SEPTIN2: variants seen among roughly 807,000 people sequenced by gnomAD.
SEPTIN2 encodes the protein septin-2.
Under a neutral mutation model 46.5 loss-of-function variants are expected in SEPTIN2, and 34 were observed. The ratio of observed to expected loss-of-function variants is 0.73; its 90% confidence interval spans 0.56 to 0.97. The LOEUF (loss-of-function observed/expected upper bound fraction) is 0.97. SEPTIN2 is among the 50% of genes least tolerant of loss of function. The pLI, the probability that SEPTIN2 is intolerant of heterozygous loss-of-function variation, is 0.00. For missense variants in SEPTIN2, 347 were observed against 448.4 expected (o/e 0.77, Z 2.04); for synonymous variants, 175 against 153.4 (o/e 1.14, Z -1.04).
At chr2:241,328,690 C>T (rs999144852) in intron 3 of SEPTIN2, among the ~76,000 whole-genome samples, 3 of 151,972 alleles carry the variant, frequency 2.0e-5, no homozygotes, top group South Asian at 2.1e-4. Context: ...TGCAGTGAGC[C>T]GAGATCCCAT....
chr2:241,336,632 G>A (rs1489282886), intron 5 of SEPTIN2, among the ~76,000 whole-genome samples: 1 of 152,196 alleles, frequency 6.6e-6, no homozygotes, highest in Non-Finnish European at 1.5e-5. Flanking sequence ...GGAAGGTTCT[G>A]TTATCTTTCT....
At chr2:241,339,058 T>TTA (rs1345390377) in intron 7 of SEPTIN2, among the ~76,000 whole-genome samples, 12 of 132,314 alleles carry the variant, frequency 9.1e-5, no homozygotes, top group East Asian at 6.0e-4. Flanking sequence ...TTTTTATATA[T>TTA]TATATATATA....
intron 3 of SEPTIN2, among the ~76,000 whole-genome samples, chr2:241,330,299 A>G (rs2078785529): frequency 6.6e-6 from 1 of 152,220 alleles, no homozygotes; most frequent in Non-Finnish European, 1.5e-5. Context: ...AACCTTCATC[A>G]GCGACACAAT....
At chr2:241,350,048 C>T in intron 11 of SEPTIN2, 25 bp from the exon 12 acceptor site, 1 of 1,606,806 alleles carries the variant, frequency 6.2e-7, no homozygotes, top group Non-Finnish European at 8.5e-7. Context: ...CCTTGAAAAC[C>T]TATAATGTGT....
chr2:241,350,040 T>G, intron 11 of SEPTIN2, 33 bp from the exon 12 acceptor site: 12 of 1,602,918 alleles, frequency 7.5e-6, no homozygotes, highest in Non-Finnish European at 1.0e-5. Flanking sequence ...ACAGCAAACC[T>G]TGAAAACCTA....
In SEPTIN2 at chr2:241,341,276, T is replaced by G. The variant is rs536780580; in HGVS notation, c.595-1716T>G. Among the ~76,000 whole-genome samples the G allele has an allele frequency of 3.3e-5, 5 of 152,372 alleles. No homozygotes were observed. In the South Asian group the frequency reaches 1.0e-3, roughly 32 times the overall value. On this transcript the variant is annotated intron_variant, in intron 7 of 12. Transcript: ENST00000391971. The stretch of plus-strand genomic sequence containing the variant: ...TTTGACCACTGATGGACTCCTGTCC[T>G]TCCAGCTCCCCTGTCTCTTTAAATG...
At chr2:241,325,869 G>A (rs1165085683) in intron 2 of SEPTIN2, 124 bp from the exon 3 acceptor site, 5 of 858,718 alleles carry the variant, frequency 5.8e-6, no homozygotes, top group Non-Finnish European at 6.9e-6. Flanking sequence ...TTCTGGAAGT[G>A]TTTATACTTT....
At chr2:241,325,569 G>C (rs188705058) in intron 2 of SEPTIN2, among the ~76,000 whole-genome samples, 2 of 152,094 alleles carry the variant, frequency 1.3e-5, no homozygotes, top group East Asian at 3.9e-4. Flanking sequence ...CTATTCTTTA[G>C]CCAAGTTTGT....
At chr2:241,317,443 TTTC>T in intron 1 of SEPTIN2, 1 of 688,124 alleles carries the variant, frequency 1.5e-6, no homozygotes, top group Non-Finnish European at 1.8e-6. Context: ...GGGGCCAGGG[TTTC>T]CCTCTATCAT....
chr2:241,348,403 G>C (rs556259067), intron 11 of SEPTIN2, among the ~76,000 whole-genome samples: 1 of 152,200 alleles, frequency 6.6e-6, no homozygotes, highest in East Asian at 1.9e-4. Context: ...AGTTGTTTTT[G>C]TATTTTTAGT....
At chr2:241,330,394 G>GA (rs2078802169) in intron 3 of SEPTIN2, among the ~76,000 whole-genome samples, 1 of 152,236 alleles carries the variant, frequency 6.6e-6, no homozygotes, top group Admixed American at 6.5e-5. Context: ...AAGCCCTGAG[G>GA]TTGGTTTGTG....
rs547774527 is a variant in SEPTIN2, at chr2:241,316,862, TCTC to T, written c.-18+883_-18+885del. On this transcript the variant is annotated intron_variant, in intron 1 of 12. Transcript: ENST00000391971. The stretch of plus-strand genomic sequence containing the variant: ...TGGCTACTTCCCACCTTAACTGCCT[TCTC>T]CTTACCTAGTCTGTGCTTGTGGGAT... 126 of 247,776 alleles carry T rather than the reference TCTC, an allele frequency of 5.1e-4. 1 individual carries two copies. Among genetic ancestry groups the T allele is most frequent in the African/African-American group, 2.7e-3 (121 of 44,680 alleles). The allele number at this position is 247,776 out of a possible 1,614,324, so 15.3% of individuals were successfully genotyped here.
At chr2:241,345,284 ATAAG>A (rs1032402734) in intron 9 of SEPTIN2, among the ~76,000 whole-genome samples, 2 of 152,236 alleles carry the variant, frequency 1.3e-5, no homozygotes, top group Admixed American at 6.5e-5. Flanking sequence ...GTGAGTTAAA[ATAAG>A]TAAGCATGTT....
chr2:241,331,832 G>T (rs933718568), intron 3 of SEPTIN2, among the ~76,000 whole-genome samples: 1 of 152,230 alleles, frequency 6.6e-6, no homozygotes, highest in Non-Finnish European at 1.5e-5. Flanking sequence ...CTTAACAGCA[G>T]TAATCAAGAC....
chr2:241,333,656 A>G (rs1284366881), intron 3 of SEPTIN2, among the ~76,000 whole-genome samples: 1 of 151,594 alleles, frequency 6.6e-6, no homozygotes, highest in East Asian at 2.0e-4. Context: ...GGCGCCCGCC[A>G]CCACGCCCGG....
At chr2:241,346,139 C>T in intron 9 of SEPTIN2, 27 bp from the exon 10 acceptor site, 2 of 1,575,856 alleles carry the variant, frequency 1.3e-6, no homozygotes, top group Non-Finnish European at 1.7e-6. Flanking sequence ...CATGATGCCA[C>T]CTTGGTGCAT....
At chr2:241,342,941 A>G (rs1351973650) in intron 7 of SEPTIN2, 51 bp from the exon 8 acceptor site, 14 of 936,012 alleles carry the variant, frequency 1.5e-5, no homozygotes, top group Admixed American at 3.9e-5. Context: ...AATTGGCTAC[A>G]ATAACATACG....
chr2:241,349,177 G>C (rs1394368771), intron 11 of SEPTIN2, among the ~76,000 whole-genome samples: 2 of 151,956 alleles, frequency 1.3e-5, no homozygotes, highest in Admixed American at 6.6e-5. Context: ...TAGGGCAACA[G>C]AGTGAGACCC....
chr2:241,347,222 G>T (rs1244822339), intron 10 of SEPTIN2, among the ~76,000 whole-genome samples: 1 of 152,028 alleles, frequency 6.6e-6, no homozygotes, highest in East Asian at 1.9e-4. Flanking sequence ...CTCCAGACTG[G>T]GCAACAGAGT....
Sources: allele counts gnomAD v4.1 joint callset (sites outside exome capture counted in the v4.1 genomes callset), GRCh38; gene constraint gnomAD v4.1.1; transcripts MANE v1.5; gene names NCBI Gene and HGNC (gene_info 2026-07-23, HGNC 2026-07-21).